Variants in OR51B5 observed in about 807,000 individuals in gnomAD.
OR51B5 encodes the protein olfactory receptor family 51 subfamily B member 5.
For synonymous variants in OR51B5, 186 were observed against 144.8 expected (o/e 1.28, Z -2.04); for missense variants, 456 against 374.6 (o/e 1.22, Z -1.79).
chr11:5,378,158 A>G (rs974216453), intron 1 of OR51B5, among the ~76,000 whole-genome samples: 5 of 151,844 alleles, frequency 3.3e-5, no homozygotes, highest in East Asian at 1.9e-4. Context: ...ATAACGACGC[A>G]TATCTACAAC....
intron 1 of OR51B5, chr11:5,352,288 A>C (rs1849107992): frequency 6.2e-7 from 1 of 1,614,090 alleles, no homozygotes; most frequent in African/African-American, 1.3e-5. Context: ...ATTTATTCAT[A>C]GGTTTGGAAA....
intron 1 of OR51B5, among the ~76,000 whole-genome samples, chr11:5,407,890 A>G (rs1423144246): frequency 6.6e-6 from 1 of 152,018 alleles, no homozygotes; most frequent in Non-Finnish European, 1.5e-5. Context: ...TTGTATCCAC[A>G]TTTTAATAAA....
chr11:5,493,439 T>C (rs1851606104), intron 1 of OR51B5, among the ~76,000 whole-genome samples: 1 of 152,212 alleles, frequency 6.6e-6, no homozygotes, highest in Admixed American at 6.5e-5. Context: ...CAAGAACTTA[T>C]AAAGTTTCTC....
intron 1 of OR51B5, among the ~76,000 whole-genome samples, chr11:5,381,623 G>A (rs1007736017): frequency 6.6e-6 from 1 of 152,176 alleles, no homozygotes; most frequent in Non-Finnish European, 1.5e-5. Flanking sequence ...TTCTTGATCA[G>A]AGTTTCTCAC....
chr11:5,374,228 G>T (rs887946262), intron 1 of OR51B5, among the ~76,000 whole-genome samples: 1 of 152,152 alleles, frequency 6.6e-6, no homozygotes, highest in South Asian at 2.1e-4. Flanking sequence ...ACAGGGTCTG[G>T]AGTGGACCTC....
chr11:5,489,459 C>G (rs1210016376), intron 1 of OR51B5: 4 of 1,613,904 alleles, frequency 2.5e-6, no homozygotes, highest in South Asian at 1.1e-5. Flanking sequence ...TTGGCATCAT[C>G]CTGGTTTTCT....
intron 1 of OR51B5, among the ~76,000 whole-genome samples, chr11:5,354,073 G>A (rs536889020): frequency 6.6e-6 from 1 of 152,164 alleles, no homozygotes; most frequent in East Asian, 1.9e-4. Flanking sequence ...TTCTCACATA[G>A]ACCATTTTTA....
At position 5,410,421 on chromosome 11, in the gene OR51B5, G is replaced by A. The variant is rs565622301; in HGVS notation, n.85-63511C>T. ...ACGATAAGATGTCAAGATGCAATTT[G>A]TTATCTACGAGATAATCACTAAAAG... On this transcript the variant is annotated intron_variant and non_coding_transcript_variant, in intron 1 of 4. Transcript: ENST00000415970. 5.9e-5 allele frequency among the ~76,000 whole-genome samples: 9 copies of A among 152,192 alleles called. No individual in the cohort carries two copies. The South Asian group carries it at 1.9e-3, about 32-fold the overall frequency.
At chr11:5,406,124 A>C (rs145562893) in intron 1 of OR51B5, among the ~76,000 whole-genome samples, 1 of 152,210 alleles carries the variant, frequency 6.6e-6, no homozygotes, top group Non-Finnish European at 1.5e-5. Flanking sequence ...AATCTTAGGA[A>C]GTCATTTCCA....
chr11:5,389,438 C>T (rs373411483), intron 1 of OR51B5: 9 of 1,613,904 alleles, frequency 5.6e-6, no homozygotes, highest in Middle Eastern at 1.6e-4. Flanking sequence ...ATTCATGCTG[C>T]TATCCAACAT....
chr11:5,378,890 G>T (rs1849568715), intron 1 of OR51B5, among the ~76,000 whole-genome samples: 2 of 150,820 alleles, frequency 1.3e-5, no homozygotes. Flanking sequence ...CAACCATTGT[G>T]GAAGTCAGTG....
At chr11:5,409,400 G>C (rs898868187) in intron 1 of OR51B5, among the ~76,000 whole-genome samples, 2 of 151,936 alleles carry the variant, frequency 1.3e-5, no homozygotes, top group Non-Finnish European at 2.9e-5. Context: ...AATCCAATTA[G>C]TATTTTTCAA....
At chr11:5,389,695 T>C in intron 1 of OR51B5, 1 of 1,613,714 alleles carries the variant, frequency 6.2e-7, no homozygotes, top group Non-Finnish European at 8.5e-7. Flanking sequence ...TCTTCTGGTT[T>C]AACTCCCATA....
intron 1 of OR51B5, among the ~76,000 whole-genome samples, chr11:5,473,854 A>AGT (rs71053262): frequency 0.26 from 38,663 of 149,976 alleles, 5,632 homozygotes; most frequent in Non-Finnish European, 0.34. Flanking sequence ...TTACAAAATG[A>AGT]GTGTGTGTGT....
chr11:5,498,250 G>T (rs1174546343), intron 1 of OR51B5, among the ~76,000 whole-genome samples: 3 of 152,120 alleles, frequency 2.0e-5, no homozygotes, highest in Non-Finnish European at 4.4e-5. Flanking sequence ...CGATCCTTGG[G>T]ATTAGCTGAG....
In OR51B5 at chr11:5,418,954, A is replaced by G. The variant is rs61894106; in HGVS notation, n.85-72044T>C. Among the ~76,000 whole-genome samples, 5,716 of 149,600 alleles carry G rather than the reference A, an allele frequency of 0.038. 518 individuals carry two copies. The East Asian group carries it at 0.4, about 11-fold the overall frequency. On this transcript the variant is annotated intron_variant and non_coding_transcript_variant, in intron 1 of 4. Transcript: ENST00000415970. The stretch of plus-strand genomic sequence containing the variant: ...AGTATACTTTGGTGAGTGTTTCTTG[A>G]TATCGGTAATAGGGCAGTTTCTGAT...
intron 1 of OR51B5, chr11:5,390,432 C>A (rs974167854): frequency 9.0e-6 from 13 of 1,451,064 alleles, no homozygotes; most frequent in African/African-American, 1.4e-5. Context: ...CCAAATTGGA[C>A]TGAAAATTTG....
chr11:5,351,578 G>A (rs1589947196), intron 1 of OR51B5: 23 of 1,613,908 alleles, frequency 1.4e-5, no homozygotes, highest in Non-Finnish European at 1.9e-5. Context: ...GCACATCACT[G>A]GATATTCATC....
At chr11:5,344,814 A>C (rs1848965028), upstream of OR51B5, among the ~76,000 whole-genome samples, 1 of 152,216 alleles carries the variant, frequency 6.6e-6, no homozygotes, top group Non-Finnish European at 1.5e-5. Context: ...TAAATAAGAC[A>C]ATTTTAAACA....
Sources: allele counts gnomAD v4.1 joint callset (sites outside exome capture counted in the v4.1 genomes callset), GRCh38; gene constraint gnomAD v4.1.1; transcripts MANE v1.5; gene names NCBI Gene and HGNC (gene_info 2026-07-23, HGNC 2026-07-21).